EXTL3: variants seen among roughly 807,000 people sequenced by gnomAD.
EXTL3 encodes the protein exostosin-like 3.
Under a neutral mutation model 69.3 loss-of-function variants are expected in EXTL3, and 27 were observed. The ratio of observed to expected loss-of-function variants is 0.39; its 90% CI spans 0.29 to 0.54. EXTL3 has a LOEUF of 0.54. EXTL3 is among the 20% of genes least tolerant of loss of function. The pLI, the probability that EXTL3 is intolerant of heterozygous loss-of-function variation, is 0.69. For missense variants in EXTL3, 1,003 were observed against 1,231.8 expected (o/e 0.81, Z 2.78); for synonymous variants, 511 against 499.4 (o/e 1.02, Z -0.31).
upstream of EXTL3, among the ~76,000 whole-genome samples, chr8:28,698,944 G>C (rs999039641): frequency 1.3e-5 from 2 of 152,198 alleles, no homozygotes; most frequent in Non-Finnish European, 2.9e-5. Flanking sequence ...AGAGAGTCGA[G>C]ATCATGCCAC....
chr8:28,735,363 G>A (rs1270310330), intron 4 of EXTL3, among the ~76,000 whole-genome samples: 2 of 152,194 alleles, frequency 1.3e-5, no homozygotes, highest in African/African-American at 4.8e-5. Flanking sequence ...GCTTTAAGGA[G>A]TTTGAAGCCT....
intron 1 of EXTL3, among the ~76,000 whole-genome samples, chr8:28,639,570 G>A (rs1019830868): frequency 6.6e-6 from 1 of 152,132 alleles, no homozygotes; most frequent in Non-Finnish European, 1.5e-5. Flanking sequence ...GCCCCTGCCT[G>A]CCTACCTCTT....
chr8:28,701,414 G>T (rs913843650), upstream of EXTL3: 3 of 150,932 alleles, frequency 2.0e-5, no homozygotes, highest in Non-Finnish European at 4.4e-5. Context: ...ACGCGGTCGG[G>T]AAAGTGGCGA....
rs192509717 is a variant in EXTL3 at position 28,743,071 on chromosome 8, T to C, written c.2422-15T>C. 7 of 1,614,038 alleles carry C rather than the reference T, an allele frequency of 4.3e-6. No homozygotes were observed. In the Admixed American group the frequency reaches 1.0e-4, roughly 23 times the overall value. ...CTTGTAACAGAGCATGTGGTTCTTT[T>C]TCTTCCCCTGACAGTATTATGCCTA... On this transcript the variant is annotated splice_polypyrimidine_tract_variant and intron_variant, in intron 5 of 6. Transcript: ENST00000220562.
At chr8:28,648,360 C>T (rs554362294) in intron 1 of EXTL3, among the ~76,000 whole-genome samples, 1 of 152,282 alleles carries the variant, frequency 6.6e-6, no homozygotes, top group East Asian at 1.9e-4. Flanking sequence ...TATCCCTCTT[C>T]CTCTGCCAGT....
rs985736527 is a variant in EXTL3 at position 28,716,173 on chromosome 8, C to T, written c.114C>T (p.Val38=). The change falls in exon 3 of 7, where the codon GTC becomes GTT. Residue 38 remains valine (V), a synonymous_variant. Coordinates refer to ENST00000220562, the MANE Select transcript of EXTL3 (RefSeq NM_001440.4). The surrounding 1 kb of genome is among the most constrained non-coding windows in gnomAD (Gnocchi z 7.1). ...RLTWLSFTLF[V]ILVFFPLIAH... is the part of the protein sequence containing the mutation. ...CGTGGCTCAGCTTCACGCTCTTTGT[C>T]ATCCTGGTCTTCTTCCCGCTCATCG... 3.8e-5 allele frequency: 62 copies of T among 1,614,192 alleles called. No homozygotes were observed. Among genetic ancestry groups the T allele is most frequent in the Non-Finnish European group, 5.1e-5 (60 of 1,180,050 alleles).
intron 1 of EXTL3, among the ~76,000 whole-genome samples, chr8:28,670,949 C>T (rs1011293669): frequency 1.3e-5 from 2 of 150,656 alleles, no homozygotes; most frequent in African/African-American, 2.4e-5. Context: ...TACTCCCTTT[C>T]CTGATAGCAC....
chr8:28,738,066 C>T lies in EXTL3; in HGVS notation c.2421+403C>T, dbSNP rs577409287. Among the ~76,000 whole-genome samples, 11 of 152,314 alleles carry T rather than the reference C, an allele frequency of 7.2e-5. 1 individual carries two copies. The South Asian group carries it at 2.1e-3, about 29-fold the overall frequency. Reference sequence around the variant, plus strand: ...AGATATACCATGCCTGTCCCGGGCCCCACGATGAGCCTCTGTGTGGCTCTG... The same window carrying T: ...AGATATACCATGCCTGTCCCGGGCCTCACGATGAGCCTCTGTGTGGCTCTG... On this transcript the variant is annotated intron_variant, in intron 5 of 6. Transcript: ENST00000220562.
At position 28,715,828 on chromosome 8, in the gene EXTL3, G is replaced by A. The variant is rs984091839; in HGVS notation, c.-232G>A. On this transcript the variant is annotated 5_prime_UTR_variant, in exon 3 of 7. Coordinates refer to ENST00000220562, the MANE Select transcript of EXTL3 (RefSeq NM_001440.4). ...CTTTTATCGTTTGATAAAGATTAAG[G>A]ACATGTTCTTTGGTCAACAGCCAGA... is the stretch of plus-strand genomic sequence containing the variant. 8 of 565,264 alleles carry A rather than the reference G, an allele frequency of 1.4e-5. No individual in the cohort carries two copies. The highest frequency in any genetic ancestry group is 1.3e-4 in the African/African-American group (7 of 53,336). The allele number at this position is 565,264 out of a possible 1,614,324, so 35.0% of individuals were successfully genotyped here. A position where few individuals can be genotyped will look rare whatever the true frequency, so the allele number is the denominator to read the frequency against.
chr8:28,686,800 G>T (rs139381561), intron 1 of EXTL3, among the ~76,000 whole-genome samples: 4 of 152,262 alleles, frequency 2.6e-5, no homozygotes, highest in African/African-American at 9.6e-5. Context: ...GGGATGCAGC[G>T]GAATGTTTGT....
At chr8:28,619,133 G>A (rs1051084414), upstream of EXTL3, among the ~76,000 whole-genome samples, 5 of 145,638 alleles carry the variant, frequency 3.4e-5, no homozygotes, top group Non-Finnish European at 6.0e-5. Context: ...ACCCACCTGT[G>A]TCTCAGTTCT....
rs1806451244 is a variant in EXTL3 at position 28,623,890 on chromosome 8, A to T, written c.-53+1080A>T. The stretch of plus-strand genomic sequence containing the variant: ...TGGGAAATCAGGCAAGCTTGGTTTT[A>T]AAACGTTTCTGCCTCTGAGAAGGTT... On this transcript the variant is annotated intron_variant, in intron 1 of 6. Transcript: ENST00000523149. This position sits in a 1 kb window ranked among gnomAD's most constrained non-coding sequence, Gnocchi z 4.2. 6.6e-6 allele frequency among the ~76,000 whole-genome samples: 1 copy of T among 152,234 alleles called. No individual in the cohort carries two copies. Among genetic ancestry groups the T allele is most frequent in the Non-Finnish European group, 1.5e-5 (1 of 68,030 alleles).
At chr8:28,651,258 T>C (rs2130603384) in intron 1 of EXTL3, among the ~76,000 whole-genome samples, 1 of 152,314 alleles carries the variant, frequency 6.6e-6, no homozygotes, top group Non-Finnish European at 1.5e-5. Context: ...AGGCTTCATC[T>C]AGCCCACCAT....
intron 2 of EXTL3, among the ~76,000 whole-genome samples, chr8:28,610,064 C>T (rs1457868670): frequency 6.6e-6 from 1 of 151,892 alleles, no homozygotes; most frequent in Non-Finnish European, 1.5e-5. Context: ...ATTAGCCAGG[C>T]GTGGTGGTGG....
intron 1 of EXTL3, among the ~76,000 whole-genome samples, chr8:28,658,664 T>C (rs2130616990): frequency 6.6e-6 from 1 of 152,298 alleles, no homozygotes; most frequent in East Asian, 1.9e-4. Flanking sequence ...CACTGCAACC[T>C]CTGCCTCCTG....
upstream of EXTL3, among the ~76,000 whole-genome samples, chr8:28,619,109 A>C (rs1203099893): frequency 3.4e-5 from 5 of 149,140 alleles, no homozygotes; most frequent in East Asian, 2.0e-4. Flanking sequence ...AAAAAAAAAA[A>C]AAAAAAACAG....
intron 1 of EXTL3, among the ~76,000 whole-genome samples, chr8:28,707,909 A>G (rs1800956125): frequency 6.6e-6 from 1 of 152,200 alleles, no homozygotes; most frequent in Non-Finnish European, 1.5e-5. Flanking sequence ...GGGAGTTGAG[A>G]CTTCTGGGCC....
chr8:28,645,718 G>T (rs1454092814), intron 1 of EXTL3, among the ~76,000 whole-genome samples: 1 of 151,288 alleles, frequency 6.6e-6, no homozygotes, highest in East Asian at 1.9e-4. Flanking sequence ...TTTAAGAGAT[G>T]GGGTCTTGCT....
intron 3 of EXTL3, among the ~76,000 whole-genome samples, chr8:28,729,612 A>AAG (rs1801493027): frequency 6.7e-6 from 1 of 148,870 alleles, no homozygotes; most frequent in African/African-American, 2.6e-5. Context: ...AAAAAAAAAA[A>AAG]AAAAAAAAAA....
Sources: gnomAD v4.1 joint callset for allele counts (sites outside exome capture counted in the v4.1 genomes callset) on GRCh38, gnomAD v4.1.1 for gene constraint, Gnocchi (gnomAD v3.1) non-coding constraint, MANE v1.5 for transcripts, NCBI Gene and HGNC (gene_info 2026-07-23, HGNC 2026-07-21) for gene names.